Variants in SEMA3A observed in about 807,000 individuals in gnomAD.
The protein encoded by SEMA3A is semaphorin 3A, also known as semaphorin-3A.
A neutral mutation model predicts 97.9 loss-of-function variants in SEMA3A; 29 were observed. The ratio of observed to expected loss-of-function variants is 0.30; its 90% CI spans 0.22 to 0.40. The LOEUF (loss-of-function observed/expected upper bound fraction) is 0.40, where lower values mean the gene tolerates loss of function less well. Ranked by LOEUF, SEMA3A falls within the 10% of genes least tolerant of loss-of-function variation. The probability of loss-of-function intolerance (pLI) is 1.00; values close to 1 mark genes in which losing one functional copy is unlikely to be tolerated. For synonymous variants in SEMA3A, 321 were observed against 323.7 expected (o/e 0.99, Z 0.09); for missense variants, 763 against 951.3 (o/e 0.80, Z 2.60).
chr7:84,476,447 C>A (rs1806284081), intron 1 of SEMA3A, among the ~76,000 whole-genome samples: 1 of 151,582 alleles, frequency 6.6e-6, no homozygotes, highest in South Asian at 2.1e-4. Context: ...ATAGAGTCTG[C>A]AAAATAATGC....
chr7:84,417,527 T>C (rs1035015174), intron 1 of SEMA3A, among the ~76,000 whole-genome samples: 3 of 152,144 alleles, frequency 2.0e-5, no homozygotes, highest in African/African-American at 7.2e-5. Context: ...AAACTTATTC[T>C]CACAAAAAAT....
At chr7:84,350,217 G>A (rs1263838114) in intron 2 of SEMA3A, among the ~76,000 whole-genome samples, 1 of 151,790 alleles carries the variant, frequency 6.6e-6, no homozygotes, top group African/African-American at 2.4e-5. Flanking sequence ...TATTTTAATT[G>A]TCATTATCTT....
chr7:83,975,804 G>T (rs1789126191), intron 15 of SEMA3A, among the ~76,000 whole-genome samples: 1 of 152,124 alleles, frequency 6.6e-6, no homozygotes, highest in African/African-American at 2.4e-5. Flanking sequence ...TTGCTGGAAT[G>T]GTGCTGATCA....
chr7:84,005,594 A>G, intron 10 of SEMA3A, 36 bp from the exon 11 acceptor site: 1 of 1,334,784 alleles, frequency 7.5e-7, no homozygotes, highest in Non-Finnish European at 1.1e-6. Context: ...TTTTGATTAA[A>G]ATCTAATAAA....
At chr7:84,075,340 A>AT (rs200575659) in intron 4 of SEMA3A, among the ~76,000 whole-genome samples, 19,026 of 146,306 alleles carry the variant, frequency 0.13, 1,253 homozygotes, top group Middle Eastern at 0.16. Flanking sequence ...TGCCAGGCTG[A>AT]TTTTTTGTGT....
chr7:84,298,305 T>G (rs1031766454), intron 3 of SEMA3A, among the ~76,000 whole-genome samples: 5 of 152,264 alleles, frequency 3.3e-5, no homozygotes, highest in Middle Eastern at 3.4e-3. Flanking sequence ...CCAGACAGAT[T>G]AAGCACAAAA....
At chr7:84,086,731 T>A (rs1039447973) in intron 4 of SEMA3A, among the ~76,000 whole-genome samples, 1 of 149,440 alleles carries the variant, frequency 6.7e-6, no homozygotes, top group Non-Finnish European at 1.5e-5. Context: ...CATATATATG[T>A]GTGTATATAT....
chr7:84,154,313 A>G (rs1039466008), intron 1 of SEMA3A, among the ~76,000 whole-genome samples: 2 of 152,134 alleles, frequency 1.3e-5, no homozygotes, highest in African/African-American at 2.4e-5. Context: ...AATAATAGAC[A>G]TTTCTTAGGC....
intron 10 of SEMA3A, 137 bp from the exon 11 acceptor site, chr7:84,005,695 C>A (rs1584536687): frequency 1.6e-6 from 1 of 607,886 alleles, no homozygotes; most frequent in East Asian, 2.9e-5. Context: ...CACCTCTAAT[C>A]CTAGCACTTT....
intron 6 of SEMA3A, among the ~76,000 whole-genome samples, chr7:84,034,789 C>CT (rs5885396): frequency 0.69 from 104,365 of 151,324 alleles, 36,186 homozygotes; most frequent in Middle Eastern, 0.77. Context: ...GTTTTTTTGT[C>CT]TTTTTTTTCC....
intron 3 of SEMA3A, among the ~76,000 whole-genome samples, chr7:84,248,440 C>A (rs1799524663): frequency 6.6e-6 from 1 of 152,124 alleles, no homozygotes; most frequent in African/African-American, 2.4e-5. Context: ...TGGGAAAAAA[C>A]CTTTTGCTTG....
At chr7:83,966,568 G>A (rs982873418) in intron 15 of SEMA3A, among the ~76,000 whole-genome samples, 5 of 152,226 alleles carry the variant, frequency 3.3e-5, no homozygotes, top group South Asian at 2.1e-4. Context: ...GCTAGTGACC[G>A]GTGAGGCTAA....
At chr7:84,041,297 G>T (rs577248950) in intron 6 of SEMA3A, among the ~76,000 whole-genome samples, 65 of 152,000 alleles carry the variant, frequency 4.3e-4, no homozygotes, top group African/African-American at 1.5e-3. Context: ...GTAACTTTTA[G>T]TTCTTTATGA....
intron 12 of SEMA3A, among the ~76,000 whole-genome samples, chr7:83,988,639 A>G (rs1347050415): frequency 1.3e-5 from 2 of 152,148 alleles, no homozygotes; most frequent in Non-Finnish European, 2.9e-5. Flanking sequence ...ACATTAATGT[A>G]ATGGTATAAT....
At chr7:84,066,381 C>T (rs148870214) in intron 4 of SEMA3A, among the ~76,000 whole-genome samples, 26,812 of 149,420 alleles carry the variant, frequency 0.18, 2,549 homozygotes, top group South Asian at 0.25. Context: ...TGCCCTCTCT[C>T]ACCACTCCTA....
At chr7:84,449,198 C>T (rs1042889642) in intron 1 of SEMA3A, among the ~76,000 whole-genome samples, 2 of 152,006 alleles carry the variant, frequency 1.3e-5, no homozygotes, top group African/African-American at 4.8e-5. Context: ...TTAGAGAAAA[C>T]ATAGATCAAA....
At chr7:84,350,486 ATGCATTCTG>A (rs1328947138) in intron 2 of SEMA3A, among the ~76,000 whole-genome samples, 1 of 152,170 alleles carries the variant, frequency 6.6e-6, no homozygotes, top group East Asian at 1.9e-4. Context: ...ACAATTTGAC[ATGCATTCTG>A]TGGAAATGAT....
At chr7:84,197,668 T>A (rs1798262656), upstream of SEMA3A, among the ~76,000 whole-genome samples, 1 of 150,668 alleles carries the variant, frequency 6.6e-6, no homozygotes, top group South Asian at 2.1e-4. Context: ...GGTGTCAGAA[T>A]CTATCGGAAT....
chr7:84,022,794 A>G (rs185698939), intron 6 of SEMA3A, among the ~76,000 whole-genome samples: 2 of 152,350 alleles, frequency 1.3e-5, no homozygotes, highest in East Asian at 3.9e-4. Context: ...TTGCATCTGC[A>G]TAGCTTAAGT....
Sources: allele counts gnomAD v4.1 joint callset (sites outside exome capture counted in the v4.1 genomes callset), GRCh38; gene constraint gnomAD v4.1.1; transcripts MANE v1.5; gene names NCBI Gene and HGNC (gene_info 2026-07-23, HGNC 2026-07-21).